SAMD5: variants seen among roughly 807,000 people sequenced by gnomAD.
The protein encoded by SAMD5 is sterile alpha motif domain-containing protein 5.
SAMD5 carries 13 observed loss-of-function variants against 11.3 expected under a neutral mutation model. The observed-to-expected ratio is 1.15, with a 90% confidence interval of 0.75 to 1.83. The LOEUF (loss-of-function observed/expected upper bound fraction) is 1.83, where lower values mean the gene tolerates loss of function less well. Ranked by LOEUF, SAMD5 falls within the 40% of genes most tolerant of loss-of-function variation. The pLI is 0.00. For synonymous variants in SAMD5, 129 were observed against 111.3 expected (o/e 1.16, Z -1.00); for missense variants, 255 against 239.1 (o/e 1.07, Z -0.44).
rs1388668818 is a variant in SAMD5 at position 147,559,277 on chromosome 6, T to TTC, written c.460-5116_460-5115insCT. Reference sequence around the variant, plus strand: ...TCAGTGATGAGTACAGCAAAGTACTTTTAAGAAAGTAGGGAATTTGCATAG... The same window carrying TTC: ...TCAGTGATGAGTACAGCAAAGTACTTTCTTAAGAAAGTAGGGAATTTGCATAG... On this transcript the variant is annotated intron_variant, in intron 1 of 1. Coordinates refer to ENST00000367474, the MANE Select transcript of SAMD5 (RefSeq NM_001030060.3). 3.9e-5 allele frequency among the ~76,000 whole-genome samples: 6 copies of TTC among 152,308 alleles called. No homozygotes were observed. The East Asian group carries it at 1.2e-3, about 29-fold the overall frequency.
At chr6:147,533,762 G>A (rs934051456) in intron 1 of SAMD5, among the ~76,000 whole-genome samples, 8 of 152,170 alleles carry the variant, frequency 5.3e-5, no homozygotes, top group East Asian at 1.9e-4. Context: ...CTGATGTTGC[G>A]GTCTTGAGAT....
chr6:147,853,004 G>A, the SAMD5 span, among the ~76,000 whole-genome samples: 1 of 152,242 alleles, frequency 6.6e-6, no homozygotes, highest in African/African-American at 2.4e-5. Context: ...CTCACTTCCG[G>A]TTTACTGGTC....
the SAMD5 span, among the ~76,000 whole-genome samples, chr6:147,754,347 CTT>C: frequency 3.8e-5 from 5 of 130,674 alleles, no homozygotes; most frequent in Admixed American, 7.6e-5. Context: ...ATTTGTATGT[CTT>C]TTTTTTTTTT....
At chr6:147,564,285 G>C in intron 1 of SAMD5, 109 bp from the exon 2 acceptor site, 1 of 696,038 alleles carries the variant, frequency 1.4e-6, no homozygotes, top group Non-Finnish European at 2.6e-6. Flanking sequence ...CATGTGGTAA[G>C]CAGAAAGGGA....
At chr6:147,818,331 G>A in the SAMD5 span, among the ~76,000 whole-genome samples, 2 of 152,314 alleles carry the variant, frequency 1.3e-5, no homozygotes, top group Non-Finnish European at 2.9e-5. Flanking sequence ...AAAGCATGAG[G>A]AAACTTTTGG....
At chr6:147,556,374 G>A (rs1233315556) in intron 1 of SAMD5, among the ~76,000 whole-genome samples, 1 of 152,196 alleles carries the variant, frequency 6.6e-6, no homozygotes, top group African/African-American at 2.4e-5. Context: ...TTACAGGCGT[G>A]AGCCACCGTG....
At chr6:147,727,402 G>A (rs1791644037) in intron 1 of SAMD5, among the ~76,000 whole-genome samples, 2 of 152,140 alleles carry the variant, frequency 1.3e-5, no homozygotes, top group Non-Finnish European at 2.9e-5. Flanking sequence ...ATGTACCTGG[G>A]TCATAGCCCT....
the SAMD5 span, among the ~76,000 whole-genome samples, chr6:147,912,366 T>C: frequency 3.3e-5 from 5 of 152,160 alleles, no homozygotes; most frequent in Non-Finnish European, 7.3e-5. Flanking sequence ...TCCAGCCCAG[T>C]CCCCTCAATT....
At chr6:147,635,234 AC>A in intron 1 of SAMD5, among the ~76,000 whole-genome samples, 1 of 152,190 alleles carries the variant, frequency 6.6e-6, no homozygotes, top group East Asian at 1.9e-4. Flanking sequence ...TGTCACCACC[AC>A]CACCACCACC....
chr6:147,817,912 T>C, the SAMD5 span, among the ~76,000 whole-genome samples: 177 of 152,346 alleles, frequency 1.2e-3, no homozygotes, highest in African/African-American at 4.2e-3. Flanking sequence ...ATAGAGTTTC[T>C]AAGCTTGTGT....
the SAMD5 span, among the ~76,000 whole-genome samples, chr6:147,894,275 C>T: frequency 6.6e-6 from 1 of 152,084 alleles, no homozygotes; most frequent in Admixed American, 6.5e-5. Context: ...AGGCGCACGC[C>T]ACCACACCCA....
At chr6:147,588,720 A>G (rs1789411482) in intron 1 of SAMD5, among the ~76,000 whole-genome samples, 1 of 152,094 alleles carries the variant, frequency 6.6e-6, no homozygotes, top group Non-Finnish European at 1.5e-5. Flanking sequence ...GAAGATCACT[A>G]CTATAACAGT....
chr6:147,714,949 A>G (rs558310234), intron 1 of SAMD5, among the ~76,000 whole-genome samples: 2 of 152,224 alleles, frequency 1.3e-5, no homozygotes. Context: ...TTACCAAATT[A>G]CTATTATTAA....
At chr6:147,869,260 G>A in the SAMD5 span, among the ~76,000 whole-genome samples, 1 of 152,218 alleles carries the variant, frequency 6.6e-6, no homozygotes, top group Non-Finnish European at 1.5e-5. Context: ...GTGATAGTCA[G>A]CTGATGCTGT....
At chr6:147,833,978 T>C in the SAMD5 span, among the ~76,000 whole-genome samples, 1 of 152,232 alleles carries the variant, frequency 6.6e-6, no homozygotes, top group Admixed American at 6.5e-5. Flanking sequence ...ACTTTCAATT[T>C]CATGAATGTC....
intron 1 of SAMD5, among the ~76,000 whole-genome samples, chr6:147,644,263 C>A (rs1469415266): frequency 6.6e-6 from 1 of 152,112 alleles, no homozygotes; most frequent in African/African-American, 2.4e-5. Context: ...GAATTCTACA[C>A]TTTTGAGGAA....
rs578053829 is a variant in SAMD5 at position 147,696,680 on chromosome 6, G to A, written c.163-40637G>A. Among the ~76,000 whole-genome samples the A allele has an allele frequency of 3.3e-5, 5 of 152,210 alleles. No homozygotes were observed. The South Asian group carries it at 6.2e-4, about 19-fold the overall frequency. ...TTTCCTAAGCTGTGTTGGATATCTG[G>A]CTCGTTTCTGTTAGCTGAGTGACTT... On this transcript the variant is annotated intron_variant, in intron 1 of 1. Transcript: ENST00000566741.
At chr6:147,696,919 G>A (rs774374684) in intron 1 of SAMD5, among the ~76,000 whole-genome samples, 2 of 152,178 alleles carry the variant, frequency 1.3e-5, no homozygotes, top group African/African-American at 4.8e-5. Context: ...TTTAGCATAA[G>A]TCTCTTAAAG....
chr6:147,720,258 G>A (rs1290969425), intron 1 of SAMD5, among the ~76,000 whole-genome samples: 1 of 152,108 alleles, frequency 6.6e-6, no homozygotes, highest in Admixed American at 6.5e-5. Flanking sequence ...TCAGGAGATC[G>A]AGACCATCCT....
Sources: allele counts gnomAD v4.1 joint callset (sites outside exome capture counted in the v4.1 genomes callset), GRCh38; gene constraint gnomAD v4.1.1; transcripts MANE v1.5; gene names NCBI Gene and HGNC (gene_info 2026-07-23, HGNC 2026-07-21).